The following SYCP2L variants were observed in gnomAD, a reference collection of about 807,000 sequenced individuals.
SYCP2L encodes synaptonemal complex protein 2-like.
A neutral mutation model predicts 125.8 loss-of-function variants in SYCP2L; 98 were observed. The ratio of observed to expected loss-of-function variants is 0.78; its 90% CI spans 0.66 to 0.92. The LOEUF (loss-of-function observed/expected upper bound fraction) is 0.92, where lower values mean the gene tolerates loss of function less well. Ranked by LOEUF, SYCP2L falls within the 40% of genes least tolerant of loss-of-function variation. SYCP2L has a pLI of 0.00. For synonymous variants in SYCP2L, 317 were observed against 325.4 expected (o/e 0.97, Z 0.28); for missense variants, 842 against 936.4 (o/e 0.90, Z 1.32).
At chr6:10,958,324 T>C (rs1317337670) in intron 25 of SYCP2L, among the ~76,000 whole-genome samples, 2 of 152,076 alleles carry the variant, frequency 1.3e-5, no homozygotes, top group Non-Finnish European at 2.9e-5. Context: ...TTACTCATGG[T>C]GGAAGGCCAA....
At chr6:10,906,927 G>T (rs1270707710) in intron 9 of SYCP2L, among the ~76,000 whole-genome samples, 1 of 151,536 alleles carries the variant, frequency 6.6e-6, no homozygotes, top group Non-Finnish European at 1.5e-5. Context: ...GCTGTTTGAT[G>T]ATTTGGTTTG....
rs565944070 is a variant in SYCP2L, at chr6:10,890,854, G to A, written c.10-659G>A. ...TTTAGTTTATTTTGAGTTGATTTTT[G>A]TATATGGTGAGACATGGGATCTGGT... On this transcript the variant is annotated intron_variant, in intron 1 of 29. Coordinates refer to ENST00000283141, the MANE Select transcript of SYCP2L (RefSeq NM_001040274.3). Among the ~76,000 whole-genome samples the A allele has an allele frequency of 2.0e-5, 3 of 152,150 alleles. No individual in the cohort carries two copies. In the East Asian group the frequency reaches 5.8e-4, roughly 29 times the overall value.
intron 23 of SYCP2L, among the ~76,000 whole-genome samples, chr6:10,944,401 T>C (rs1297583632): frequency 1.3e-5 from 2 of 152,232 alleles, no homozygotes; most frequent in Non-Finnish European, 2.9e-5. Context: ...CGTAATACAT[T>C]CTGGACACTT....
intron 21 of SYCP2L, among the ~76,000 whole-genome samples, chr6:10,936,572 CAAA>C (rs1781099443): frequency 6.6e-6 from 1 of 152,188 alleles, no homozygotes; most frequent in African/African-American, 2.4e-5. Flanking sequence ...TAACAATCAA[CAAA>C]ATGGCAATAC....
intron 21 of SYCP2L, 65 bp from the exon 22 acceptor site, chr6:10,942,394 A>C: frequency 9.9e-7 from 1 of 1,010,772 alleles, no homozygotes; most frequent in Non-Finnish European, 1.4e-6. Context: ...ATCTAGAATG[A>C]TAGTGAATTC....
At position 10,961,531 on chromosome 6, in the gene SYCP2L, A is replaced by G. The variant is rs1392266025; in HGVS notation, c.2387A>G (p.Gln796Arg). Residue 796 changes from glutamine (Q) to arginine (R), a missense_variant, in exon 28 of 30, where the codon CAA becomes CGA. Physicochemically the swap from Gln to Arg is conservative, Grantham distance 43 (BLOSUM62 1). Coordinates refer to ENST00000283141, the MANE Select transcript of SYCP2L (RefSeq NM_001040274.3). ...TGGGGGAAACAGTCTGCTGATCTGC[A>G]ATCTTTCTGTGATCTGCAAGTGCTG... ...EFWGKQSADLQSFCDLQVLRF... is the reference protein window; with the variant it reads ...EFWGKQSADLRSFCDLQVLRF... 19 of 1,614,056 alleles carry G rather than the reference A, an allele frequency of 1.2e-5. No individual in the cohort carries two copies. Among genetic ancestry groups the G allele is most frequent in the Non-Finnish European group, 1.6e-5 (19 of 1,180,016 alleles).
At chr6:10,927,090 G>A in intron 16 of SYCP2L, 150 bp from the exon 17 acceptor site, 1 of 1,387,350 alleles carries the variant, frequency 7.2e-7, no homozygotes, top group Non-Finnish European at 9.5e-7. Flanking sequence ...TGTACCCATA[G>A]CTTTCTGATT....
At position 10,973,403 on chromosome 6, in the gene SYCP2L, C is replaced by T. The variant is rs114607089; in HGVS notation, c.*38-549C>T. ...CGAAAATTAGCTGGGCATGATGTTG[C>T]ACGCCTGTAATTCCAGCTACTCAGG... On this transcript the variant is annotated intron_variant, in intron 29 of 29. Transcript: ENST00000283141. Among the ~76,000 whole-genome samples the T allele has an allele frequency of 6.3e-3, 953 of 152,242 alleles. 4 individuals are homozygous for T. The highest frequency in any genetic ancestry group is 9.8e-3 in the Non-Finnish European group (664 of 68,024).
chr6:10,899,101 A>G (rs1474216850), intron 6 of SYCP2L, among the ~76,000 whole-genome samples: 1 of 152,226 alleles, frequency 6.6e-6, no homozygotes, highest in Non-Finnish European at 1.5e-5. Context: ...GGTAATGGAA[A>G]GTCACTTTTG....
chr6:10,950,464 C>T (rs75383498), intron 23 of SYCP2L, among the ~76,000 whole-genome samples: 4,102 of 152,226 alleles, frequency 0.027, 150 homozygotes, highest in East Asian at 0.2. Flanking sequence ...CCTCTTTGCA[C>T]CTTTCCTCCT....
intron 14 of SYCP2L, among the ~76,000 whole-genome samples, chr6:10,922,225 T>C (rs1242391836): frequency 1.3e-5 from 2 of 152,238 alleles, no homozygotes; most frequent in African/African-American, 4.8e-5. Context: ...TCATGGTTTT[T>C]AATTTACAAA....
intron 10 of SYCP2L, among the ~76,000 whole-genome samples, chr6:10,909,076 A>G (rs559006866): frequency 6.5e-4 from 98 of 151,276 alleles, no homozygotes; most frequent in African/African-American, 2.2e-3. Context: ...CTTGTTTCCA[A>G]AATCATTTCC....
intron 21 of SYCP2L, among the ~76,000 whole-genome samples, chr6:10,936,425 G>A (rs906950365): frequency 1.3e-5 from 2 of 151,996 alleles, no homozygotes; most frequent in African/African-American, 4.8e-5. Flanking sequence ...TGAACCGGGA[G>A]GCAGAGGTTG....
At chr6:10,950,841 C>T (rs1056913356) in intron 23 of SYCP2L, among the ~76,000 whole-genome samples, 2 of 152,066 alleles carry the variant, frequency 1.3e-5, no homozygotes, top group African/African-American at 4.8e-5. Flanking sequence ...TTGTAATTTT[C>T]GTAGAGACAG....
intron 29 of SYCP2L, 118 bp downstream of exon 29, chr6:10,963,961 ATTTTTT>A: frequency 4.2e-6 from 2 of 477,760 alleles, no homozygotes; most frequent in South Asian, 2.4e-5. Context: ...GAACTTCTCC[ATTTTTT>A]TTTTTTTTTT....
At chr6:10,947,982 T>C (rs1007339979) in intron 23 of SYCP2L, among the ~76,000 whole-genome samples, 2 of 152,142 alleles carry the variant, frequency 1.3e-5, no homozygotes, top group Non-Finnish European at 2.9e-5. Context: ...TGAAATGCAT[T>C]TTTCTGCATC....
At chr6:10,902,620 G>C in intron 6 of SYCP2L, 57 bp from the exon 7 acceptor site, 1 of 1,425,068 alleles carries the variant, frequency 7.0e-7, no homozygotes, top group Non-Finnish European at 9.9e-7. Flanking sequence ...CCGTGTGTAG[G>C]AGTCATTTTC....
intron 21 of SYCP2L, among the ~76,000 whole-genome samples, chr6:10,941,311 T>C (rs1052937606): frequency 5.3e-5 from 8 of 152,100 alleles, no homozygotes; most frequent in African/African-American, 1.9e-4. Context: ...TGGGATCTAA[T>C]TAAACTAAAG....
intron 21 of SYCP2L, among the ~76,000 whole-genome samples, chr6:10,941,344 C>A (rs796699292): frequency 5.9e-5 from 9 of 152,236 alleles, no homozygotes; most frequent in African/African-American, 2.2e-4. Flanking sequence ...GCAAAAGAAA[C>A]CACCATCAGA....
Sources: allele counts gnomAD v4.1 joint callset (sites outside exome capture counted in the v4.1 genomes callset), GRCh38; gene constraint gnomAD v4.1.1; transcripts MANE v1.5; gene names NCBI Gene and HGNC (gene_info 2026-07-23, HGNC 2026-07-21).